CCBE1: variants seen among roughly 807,000 people sequenced by gnomAD.
The protein encoded by CCBE1 is collagen and calcium-binding EGF domain-containing protein 1.
Under a neutral mutation model 50.0 loss-of-function variants are expected in CCBE1, and 37 were observed. That is an observed-to-expected ratio of 0.74 (90% CI 0.57 to 0.97). CCBE1 has a LOEUF of 0.97. Ranked by LOEUF, CCBE1 falls within the 50% of genes least tolerant of loss-of-function variation. The probability of loss-of-function intolerance (pLI) is 0.00; values close to 1 mark genes in which losing one functional copy is unlikely to be tolerated. For synonymous variants in CCBE1, 234 were observed against 203.7 expected (o/e 1.15, Z -1.27); for missense variants, 538 against 523.8 (o/e 1.03, Z -0.26).
chr18:59,691,523 A>G (rs1020783962), intron 2 of CCBE1, among the ~76,000 whole-genome samples: 3 of 152,184 alleles, frequency 2.0e-5, no homozygotes, highest in Non-Finnish European at 4.4e-5. Context: ...CTCCTGCCTC[A>G]GCCTCCTGAA....
At chr18:59,481,181 T>C (rs771931908) in intron 2 of CCBE1, among the ~76,000 whole-genome samples, 1 of 152,144 alleles carries the variant, frequency 6.6e-6, no homozygotes, top group Non-Finnish European at 1.5e-5. Context: ...CAAATAGATC[T>C]GAAATTTTTA....
intron 2 of CCBE1, among the ~76,000 whole-genome samples, chr18:59,518,740 G>T (rs559935202): frequency 6.6e-6 from 1 of 152,194 alleles, no homozygotes; most frequent in Non-Finnish European, 1.5e-5. Context: ...TTCCATGTTT[G>T]TGGGGCCAAC....
intron 2 of CCBE1, chr18:59,688,298 TAGTC>T (rs1186705724): frequency 1.3e-5 from 2 of 152,196 alleles, no homozygotes; most frequent in African/African-American, 4.8e-5. Context: ...AAAATTAAAT[TAGTC>T]AGGCATGGTG....
At chr18:59,556,050 T>C (rs2052651753) in intron 2 of CCBE1, among the ~76,000 whole-genome samples, 1 of 152,182 alleles carries the variant, frequency 6.6e-6, no homozygotes, top group South Asian at 2.1e-4. Context: ...AGAGGGTATC[T>C]AGGTCTCAGC....
intron 2 of CCBE1, among the ~76,000 whole-genome samples, chr18:59,671,646 G>C (rs1271212168): frequency 6.6e-6 from 1 of 152,134 alleles, no homozygotes; most frequent in African/African-American, 2.4e-5. Context: ...GGGATGAACA[G>C]AGCTCAATAG....
At chr18:59,493,668 G>A (rs558906168) in intron 2 of CCBE1, among the ~76,000 whole-genome samples, 29 of 152,238 alleles carry the variant, frequency 1.9e-4, no homozygotes, top group South Asian at 6.2e-4. Context: ...CCTGAACTGC[G>A]TGTTACAGGA....
At chr18:59,610,528 T>C (rs1328506720) in intron 2 of CCBE1, among the ~76,000 whole-genome samples, 1 of 151,680 alleles carries the variant, frequency 6.6e-6, no homozygotes, top group Non-Finnish European at 1.5e-5. Context: ...AGAACAAAGC[T>C]TCAGAACAAA....
intron 2 of CCBE1, among the ~76,000 whole-genome samples, chr18:59,640,303 AAT>A (rs1162224404): frequency 2.6e-5 from 4 of 152,310 alleles, no homozygotes; most frequent in Non-Finnish European, 5.9e-5. Flanking sequence ...AATGGAACAG[AAT>A]AGAGAGCCCT....
intron 2 of CCBE1, among the ~76,000 whole-genome samples, chr18:59,617,644 G>C (rs1485504266): frequency 6.6e-6 from 1 of 152,200 alleles, no homozygotes; most frequent in Non-Finnish European, 1.5e-5. Flanking sequence ...TGCCCCTGCC[G>C]CTCTGGCTGG....
intron 1 of CCBE1, among the ~76,000 whole-genome samples, chr18:59,696,945 T>G (rs1440286346): frequency 6.6e-6 from 1 of 152,120 alleles, no homozygotes; most frequent in Non-Finnish European, 1.5e-5. Context: ...TCACGAGCTG[T>G]GCCAGCCAGT....
chr18:59,510,745 A>G (rs377210485), intron 2 of CCBE1, among the ~76,000 whole-genome samples: 44 of 152,290 alleles, frequency 2.9e-4, no homozygotes, highest in African/African-American at 1.0e-3. Context: ...ACTTTCATAA[A>G]TGCTTCCTTA....
intron 6 of CCBE1, among the ~76,000 whole-genome samples, chr18:59,452,834 C>T (rs752164442): frequency 3.9e-4 from 59 of 152,174 alleles, no homozygotes; most frequent in Non-Finnish European, 7.9e-4. Flanking sequence ...CTCCTCATAA[C>T]ATTCCTTGAA....
rs1210390386 is a variant in CCBE1 at position 59,466,896 on chromosome 18, T to G, written c.401-5A>C. On this transcript the variant is annotated splice_polypyrimidine_tract_variant and splice_region_variant and intron_variant, in intron 4 of 10. Transcript: ENST00000439986. ...TGCTGGCACACTCATCAATATCTGG[T>G]TTGAACCAAATGTAGAGAATACTAA... 1 of 1,611,454 alleles carries G rather than the reference T, an allele frequency of 6.2e-7. No homozygotes were observed. The highest frequency in any genetic ancestry group is 8.5e-7 in the Non-Finnish European group (1 of 1,178,362).
At chr18:59,643,689 C>A (rs889278352) in intron 2 of CCBE1, among the ~76,000 whole-genome samples, 1 of 152,042 alleles carries the variant, frequency 6.6e-6, no homozygotes, top group African/African-American at 2.4e-5. Flanking sequence ...AGTGTGGGGG[C>A]GCACACCTGT....
chr18:59,503,040 T>C (rs1251623845), intron 2 of CCBE1, among the ~76,000 whole-genome samples: 1 of 152,202 alleles, frequency 6.6e-6, no homozygotes, highest in Admixed American at 6.5e-5. Context: ...ATCACACAAA[T>C]GTGCTCAACT....
chr18:59,465,127 C>T (rs749031133), intron 5 of CCBE1, among the ~76,000 whole-genome samples: 2 of 152,184 alleles, frequency 1.3e-5, no homozygotes, highest in Admixed American at 6.5e-5. Context: ...CAGCCATTGT[C>T]AATGGAGTCC....
chr18:59,520,238 G>A (rs912146812), intron 2 of CCBE1, among the ~76,000 whole-genome samples: 1 of 152,284 alleles, frequency 6.6e-6, no homozygotes, highest in Admixed American at 6.5e-5. Flanking sequence ...GGTAGGGATA[G>A]CATTGAATGT....
chr18:59,465,038 C>T (rs1911674863), intron 5 of CCBE1: 1 of 152,254 alleles, frequency 6.6e-6, no homozygotes, highest in Non-Finnish European at 1.5e-5. Context: ...GTAGTGGGTA[C>T]AGGAGCTGGT....
intron 5 of CCBE1, among the ~76,000 whole-genome samples, chr18:59,466,357 C>A (rs756346177): frequency 6.6e-6 from 1 of 152,024 alleles, no homozygotes; most frequent in Non-Finnish European, 1.5e-5. Context: ...CTCTTGCCTG[C>A]AACCGTGTAA....
Sources: allele counts gnomAD v4.1 joint callset (sites outside exome capture counted in the v4.1 genomes callset), GRCh38; gene constraint gnomAD v4.1.1; transcripts MANE v1.5; gene names NCBI Gene and HGNC (gene_info 2026-07-23, HGNC 2026-07-21).